Variants in RPS6KA6 observed in about 807,000 individuals in gnomAD.
The protein encoded by RPS6KA6 is ribosomal protein S6 kinase alpha-6.
A neutral mutation model predicts 65.4 loss-of-function variants in RPS6KA6; 27 were observed. The observed-to-expected ratio is 0.41, with a 90% CI of 0.30 to 0.57. RPS6KA6 has a LOEUF of 0.57. Among genes scored for constraint, RPS6KA6 ranks in the 20% least tolerant of loss-of-function variants. The pLI is 0.24. For synonymous variants in RPS6KA6, 190 were observed against 184.2 expected (o/e 1.03, Z -0.26); for missense variants, 486 against 555.6 (o/e 0.87, Z 1.26).
Position 84,102,166 on chromosome X carries a change from A to C in RPS6KA6, c.1647T>G (p.Ile549Met), listed in dbSNP as rs752756048. The change falls in exon 18 of 22, where the codon ATT (isoleucine) becomes ATG (methionine). Residue 549 changes from isoleucine (I) to methionine (M), a missense_variant. Ile to Met is a conservative substitution (Grantham distance 10). This residue lies in a region of RPS6KA6 where 345 missense variants were observed against 375.0 expected (regional missense o/e 0.92). Coordinates refer to ENST00000262752, the MANE Select transcript of RPS6KA6 (RefSeq NM_014496.5). ...CACTGGCTGATTCATCCATGTATAA[A>C]ATATTACTAGGTTTAAGATCACGAT... ...VVHRDLKPSNILYMDESASAD... is the reference protein window; with the variant it reads ...VVHRDLKPSNMLYMDESASAD... 24 of 1,166,834 alleles carry C rather than the reference A, an allele frequency of 2.1e-5. No individual in the cohort carries two copies. Among genetic ancestry groups the C allele is most frequent in the Non-Finnish European group, 2.8e-5 (24 of 868,928 alleles).
chrX:84,084,579 C>T (rs769483550), intron 20 of RPS6KA6, among the ~76,000 whole-genome samples: 5 of 111,785 alleles, frequency 4.5e-5, no homozygotes, highest in Middle Eastern at 4.6e-3. Flanking sequence ...TGTCTGTTTT[C>T]GTACAAGTAT....
At chrX:84,176,783 C>A (rs189381298) in intron 1 of RPS6KA6, among the ~76,000 whole-genome samples, 2 of 111,639 alleles carry the variant, frequency 1.8e-5, no homozygotes, top group Admixed American at 9.5e-5. Context: ...TTACTCTATT[C>A]TTTCATCACT....
chrX:84,175,764 A>C (rs916700787), intron 1 of RPS6KA6, among the ~76,000 whole-genome samples: 2 of 111,919 alleles, frequency 1.8e-5, no homozygotes, highest in Non-Finnish European at 3.8e-5. Flanking sequence ...GTGACATAAT[A>C]TATTGTCCTT....
chrX:84,096,289 G>A lies in RPS6KA6; in HGVS notation c.1876C>T (p.Pro626Ser). 8.7e-7 allele frequency: 1 copy of A among 1,155,779 alleles called. No homozygotes were observed. Among genetic ancestry groups the A allele is most frequent in the South Asian group, 2.0e-5 (1 of 50,840 alleles). The stretch of plus-strand genomic sequence containing the variant: ...AGTATCTCTTCAGGAGTATCATTGG[G>A]GCCATTAGCAAATGGAGTGTAGCTA... ...LAGYTPFANG[P>S]NDTPEEILLR... Residue 626 changes from proline (P) to serine (S), a missense_variant, in exon 20 of 22, where the codon CCC becomes TCC. Coordinates refer to ENST00000262752, the MANE Select transcript of RPS6KA6 (RefSeq NM_014496.5).
At chrX:84,116,745 T>C (rs2034575205) in intron 11 of RPS6KA6, among the ~76,000 whole-genome samples, 1 of 102,993 alleles carries the variant, frequency 9.7e-6, no homozygotes, top group Non-Finnish European at 2.0e-5. Flanking sequence ...TTGAAGAATA[T>C]TGGGGGGGGG....
At chrX:84,070,252 G>C (rs1220878094) in intron 20 of RPS6KA6, among the ~76,000 whole-genome samples, 1 of 111,593 alleles carries the variant, frequency 9.0e-6, no homozygotes, top group Non-Finnish European at 1.9e-5. Context: ...CAGGCACATG[G>C]ATGAAGATGG....
intron 13 of RPS6KA6, 45 bp downstream of exon 13, chrX:84,107,574 ACTAT>A: frequency 1.3e-6 from 1 of 780,252 alleles, no homozygotes; most frequent in Non-Finnish European, 1.9e-6. Flanking sequence ...TTATTTTTAA[ACTAT>A]CTACTTAAAT....
At position 84,064,192 on chromosome X, in the gene RPS6KA6, A is replaced by G. The variant is rs1168997898; in HGVS notation, c.*85T>C. 5 of 1,014,908 alleles carry G rather than the reference A, an allele frequency of 4.9e-6. No homozygotes were observed. Among genetic ancestry groups the G allele is most frequent in the East Asian group, 6.5e-5 (2 of 30,943 alleles). 83.6% of individuals were successfully genotyped at this position (1,014,908 alleles called of 1,213,427 possible). On this transcript the variant is annotated 3_prime_UTR_variant, in exon 22 of 22. Transcript: ENST00000262752. The stretch of plus-strand genomic sequence containing the variant: ...ACTTAATATTCAAGTAATTTAGCAG[A>G]CAACGATGCCTTTGATAAGAATAGG...
At chrX:84,170,852 G>A (rs2035672233) in intron 1 of RPS6KA6, among the ~76,000 whole-genome samples, 1 of 110,824 alleles carries the variant, frequency 9.0e-6, no homozygotes, top group South Asian at 3.9e-4. Flanking sequence ...AATAGAATAT[G>A]GCAAAGGCGA....
chrX:84,164,834 T>C (rs1439455423), intron 1 of RPS6KA6, among the ~76,000 whole-genome samples: 8 of 111,533 alleles, frequency 7.2e-5, no homozygotes, highest in Non-Finnish European at 1.3e-4. Flanking sequence ...CATCATGACA[T>C]ACTATACAGA....
rs946652865 is a variant in RPS6KA6 at position 84,105,860 on chromosome X, T to G, written c.1382A>C (p.Lys461Thr). ...EFAVKIIDKS[K>T]RDPSEEIEIL... The stretch of plus-strand genomic sequence containing the variant: ...TTCAATCTCTTCTGAAGGGTCTCGC[T>G]TACTTTTGTCAATGATCTAAGAAAT... The change falls in exon 16 of 22, where the codon AAG becomes ACG. Residue 461 changes from lysine to threonine, a missense_variant. Transcript: ENST00000262752. The G allele has an allele frequency of 1.7e-6, 2 of 1,150,151 alleles. No individual in the cohort carries two copies. Among genetic ancestry groups the G allele is most frequent in the Non-Finnish European group, 2.4e-6 (2 of 848,740 alleles). The allele number at this position is 1,150,151 out of a possible 1,213,427, so 94.8% of individuals were successfully genotyped here.
intron 20 of RPS6KA6, among the ~76,000 whole-genome samples, chrX:84,091,442 C>A (rs761476873): frequency 8.3e-4 from 93 of 112,069 alleles, no homozygotes; most frequent in African/African-American, 2.8e-3. Flanking sequence ...CAAAAATATA[C>A]CCAAGTGAAT....
chrX:84,130,727 T>C (rs1224967333), intron 8 of RPS6KA6, among the ~76,000 whole-genome samples: 3 of 111,250 alleles, frequency 2.7e-5, no homozygotes, highest in Non-Finnish European at 5.7e-5. Context: ...AAATGCCCTA[T>C]GCTAATTAAA....
chrX:84,169,999 G>A (rs1035931168), intron 1 of RPS6KA6, among the ~76,000 whole-genome samples: 2 of 107,862 alleles, frequency 1.9e-5, no homozygotes, highest in South Asian at 4.2e-4. Context: ...GGTGAAACCC[G>A]TCTCTACTAA....
chrX:84,148,172 C>T lies in RPS6KA6; in HGVS notation c.259-49G>A, dbSNP rs775226934. The T allele has an allele frequency of 1.0e-5, 8 of 771,488 alleles. No individual in the cohort carries two copies. The African/African-American group carries it at 1.7e-4, about 17-fold the overall frequency. 63.6% of individuals were successfully genotyped at this position (771,488 alleles called of 1,213,427 possible). The stretch of plus-strand genomic sequence containing the variant: ...AAAAAGGAAAATTCACATTTCTAGT[C>T]ATTCTTGCTCTACACAAACACACCA... On this transcript the variant is annotated intron_variant, in intron 3 of 21. Transcript: ENST00000262752.
intron 11 of RPS6KA6, among the ~76,000 whole-genome samples, chrX:84,116,711 A>G (rs2034574758): frequency 1.8e-5 from 2 of 108,755 alleles, no homozygotes; most frequent in South Asian, 8.1e-4. Flanking sequence ...TCAAAAAAGT[A>G]GTTACAGAAA....
intron 20 of RPS6KA6, among the ~76,000 whole-genome samples, chrX:84,085,987 A>C (rs968696237): frequency 1.4e-4 from 16 of 111,357 alleles, no homozygotes; most frequent in Non-Finnish European, 2.8e-4. Flanking sequence ...GGTTGTTTTT[A>C]TTTTTGTGGG....
intron 8 of RPS6KA6, among the ~76,000 whole-genome samples, chrX:84,133,771 CCTA>C (rs778127554): frequency 1.8e-5 from 2 of 111,001 alleles, no homozygotes; most frequent in Admixed American, 9.6e-5. Context: ...TCTACTGTTC[CCTA>C]CTGTTATTTT....
At position 84,164,502 on chromosome X, in the gene RPS6KA6, GAAAAACAAAAGGACAAAGGACACA is replaced by G. The variant is rs1427744745; in HGVS notation, c.82-139_82-116del. On this transcript the variant is annotated intron_variant, in intron 1 of 21. Coordinates refer to ENST00000262752, the MANE Select transcript of RPS6KA6 (RefSeq NM_014496.5). ...CAATCTAACAAGATCCACACTTACT[GAAAAACAAAAGGACAAAGGACACA>G]TAGAAGTACTTAGAAAAGGAACACT... 4 of 498,083 alleles carry G rather than the reference GAAAAACAAAAGGACAAAGGACACA, an allele frequency of 8.0e-6. No homozygotes were observed. The East Asian group carries it at 1.5e-4, about 19-fold the overall frequency. The allele number at this position is 498,083 out of a possible 1,213,427, so 41.0% of individuals were successfully genotyped here. A position where few individuals can be genotyped will look rare whatever the true frequency, so the allele number is the denominator to read the frequency against.
Sources: gnomAD v4.1 joint callset for allele counts (sites outside exome capture counted in the v4.1 genomes callset) on GRCh38, gnomAD v4.1.1 for gene constraint, gnomAD v4.1.1 regional missense constraint, MANE v1.5 for transcripts, NCBI Gene and HGNC (gene_info 2026-07-23, HGNC 2026-07-21) for gene names.